The following FBXO31 variants were observed in gnomAD, a reference collection of about 807,000 sequenced individuals.
FBXO31 encodes F-box protein 31, also known as F-box only protein 31.
FBXO31 carries 24 observed loss-of-function variants against 54.4 expected under a neutral mutation model. The ratio of observed to expected loss-of-function variants is 0.44; its 90% CI spans 0.32 to 0.62. The LOEUF (loss-of-function observed/expected upper bound fraction) is 0.62, where lower values mean the gene tolerates loss of function less well. Among genes scored for constraint, FBXO31 ranks in the 20% least tolerant of loss-of-function variants. The pLI, the probability that FBXO31 is intolerant of heterozygous loss-of-function variation, is 0.05. For synonymous variants in FBXO31, 388 were observed against 335.6 expected, an observed-to-expected ratio of 1.16 and a Z score of -1.71; for missense variants, 665 against 787.1, an observed-to-expected ratio of 0.84 and a Z score of 1.86.
At chr16:87,372,564 CTTTT>C (rs1331810427) in intron 1 of FBXO31, among the ~76,000 whole-genome samples, 2 of 152,046 alleles carry the variant, frequency 1.3e-5, no homozygotes, top group East Asian at 1.9e-4. Flanking sequence ...TGAAGCATTT[CTTTT>C]TGTTTTTTTA....
chr16:87,341,262 A>T (rs1249049018), intron 5 of FBXO31, among the ~76,000 whole-genome samples: 4 of 152,238 alleles, frequency 2.6e-5, no homozygotes, highest in African/African-American at 9.6e-5. Flanking sequence ...CTAATCCCAA[A>T]GTATATAGTA....
In FBXO31 at chr16:87,346,795, G is replaced by A. The variant is rs1348387988; in HGVS notation, c.489+379C>T. ...CACAGCAGAACCCAAGGAAACAGAC[G>A]TCAGAGTGCACCATGGCTGGAACAT... On this transcript the variant is annotated intron_variant, in intron 3 of 8. Coordinates refer to ENST00000311635, the MANE Select transcript of FBXO31 (RefSeq NM_024735.5). The surrounding 1 kb of genome is among the most constrained non-coding windows in gnomAD (Gnocchi z 4.2). 2.6e-5 allele frequency among the ~76,000 whole-genome samples: 4 copies of A among 152,174 alleles called. No homozygotes were observed. Among genetic ancestry groups the A allele is most frequent in the Non-Finnish European group, 5.9e-5 (4 of 68,034 alleles).
At chr16:87,331,631 G>A (rs772503125) in intron 8 of FBXO31, 121 bp from the exon 9 acceptor site, 1 of 837,328 alleles carries the variant, frequency 1.2e-6, no homozygotes, top group Non-Finnish European at 1.8e-6. Flanking sequence ...TCATCAGCCA[G>A]AAGCTGACTC....
chr16:87,347,981 T>G (rs1905468415), intron 2 of FBXO31, among the ~76,000 whole-genome samples: 1 of 152,190 alleles, frequency 6.6e-6, no homozygotes, highest in South Asian at 2.1e-4. Context: ...TCCATCCCGT[T>G]CCTTGCCAGC....
Position 87,347,400 on chromosome 16 carries a change from G to A in FBXO31, c.413-150C>T, listed in dbSNP as rs1287076962. 3 of 708,514 alleles carry A rather than the reference G, an allele frequency of 4.2e-6. No individual in the cohort carries two copies. In the South Asian group the frequency reaches 4.6e-5, roughly 11 times the overall value. 43.9% of individuals were successfully genotyped at this position (708,514 alleles called of 1,614,324 possible). A position where few individuals can be genotyped will look rare whatever the true frequency, so the allele number is the denominator to read the frequency against. ...ACATGCACACCAAGCCTCTAAAGAT[G>A]TATCAGAATGAGGCCGGGTGCGGTG... is the stretch of plus-strand genomic sequence containing the variant. On this transcript the variant is annotated intron_variant, in intron 2 of 8. Transcript: ENST00000311635.
chr16:87,334,034 C>T lies in FBXO31; in HGVS notation c.1249G>A (p.Asp417Asn). The change falls in exon 8 of 9, where the codon GAT becomes AAT. Residue 417 changes from aspartate (D) to asparagine (N), a missense_variant. Asp to Asn is a conservative substitution (Grantham distance 23). Around this residue, in one of 4 missense-constraint regions of FBXO31, gnomAD observed 165 missense variants for 159.7 expected, o/e 1.03. Transcript: ENST00000311635. Reference sequence around the variant, plus strand: ...CCACCATCCTCACCAGGTGTCCCATCTGGGCCCTTGCTGGGCGCCTCTGCC... The same window carrying T: ...CCACCATCCTCACCAGGTGTCCCATTTGGGCCCTTGCTGGGCGCCTCTGCC... ...PRAEAPSKGPDGTPGEDGGEP... is the reference protein window; with the variant it reads ...PRAEAPSKGPNGTPGEDGGEP... The T allele has an allele frequency of 6.2e-7, 1 of 1,612,706 alleles. No individual in the cohort carries two copies. Among genetic ancestry groups the T allele is most frequent in the Non-Finnish European group, 8.5e-7 (1 of 1,179,742 alleles).
Position 87,383,772 on chromosome 16 carries a change from C to G in FBXO31, c.-28G>C. 1.7e-6 allele frequency: 2 copies of G among 1,184,044 alleles called. No homozygotes were observed. Among genetic ancestry groups the G allele is most frequent in the Non-Finnish European group, 2.1e-6 (2 of 958,294 alleles). The allele number at this position is 1,184,044 out of a possible 1,614,324, so 73.3% of individuals were successfully genotyped here. ...CGCCCAGTGACGGCCACTGCTGCCGCCTGTGCGCACGCTCCAGCGCGGCCC... is the reference window on the plus strand; with the variant it reads ...CGCCCAGTGACGGCCACTGCTGCCGGCTGTGCGCACGCTCCAGCGCGGCCC... On this transcript the variant is annotated 5_prime_UTR_variant, in exon 1 of 9. Transcript: ENST00000311635. The surrounding 1 kb of genome is among the most constrained non-coding windows in gnomAD (Gnocchi z 4.9).
rs1039209943 is a variant in FBXO31, at chr16:87,383,233, G to T, written c.340+172C>A. Among the ~76,000 whole-genome samples the T allele has an allele frequency of 6.6e-6, 1 of 151,202 alleles. No individual in the cohort carries two copies. The highest frequency in any genetic ancestry group is 1.5e-5 in the Non-Finnish European group (1 of 67,850). ...CAAATACCTCCCTGGCCCCCTCAAC[G>T]TGGTGTCACCGCGGCCGCTCCCCAC... is the stretch of plus-strand genomic sequence containing the variant. On this transcript the variant is annotated intron_variant, in intron 1 of 8. Coordinates refer to ENST00000311635, the MANE Select transcript of FBXO31 (RefSeq NM_024735.5). This position sits in a 1 kb window ranked among gnomAD's most constrained non-coding sequence, Gnocchi z 4.9.
At chr16:87,387,339 G>A (rs936392916), upstream of FBXO31, among the ~76,000 whole-genome samples, 2 of 152,120 alleles carry the variant, frequency 1.3e-5, no homozygotes, top group East Asian at 1.9e-4. Flanking sequence ...ATTCTAAAAC[G>A]AGGAAGAACT....
intron 2 of FBXO31, among the ~76,000 whole-genome samples, chr16:87,348,157 C>G (rs994979451): frequency 1.3e-5 from 2 of 152,188 alleles, no homozygotes; most frequent in African/African-American, 4.8e-5. Context: ...CACTGCCTCT[C>G]TCCACGACTC....
upstream of FBXO31, among the ~76,000 whole-genome samples, chr16:87,386,797 T>C (rs546677037): frequency 7.2e-5 from 11 of 152,226 alleles, no homozygotes; most frequent in Non-Finnish European, 1.6e-4. Flanking sequence ...GCAGGGTCAT[T>C]ACTGCAATGG....
intron 8 of FBXO31, among the ~76,000 whole-genome samples, chr16:87,333,425 C>T (rs1396155895): frequency 1.3e-5 from 2 of 152,162 alleles, no homozygotes; most frequent in African/African-American, 4.8e-5. Context: ...CCAAAGGTGA[C>T]CGGCAAGACG....
In FBXO31 at chr16:87,330,281, C is replaced by T. The variant is rs1286228329; in HGVS notation, c.*1007G>A. 6.6e-6 allele frequency: 1 copy of T among 152,308 alleles called. No homozygotes were observed. Among genetic ancestry groups the T allele is most frequent in the Non-Finnish European group, 1.5e-5 (1 of 68,110 alleles). The allele number at this position is 152,308 out of a possible 1,614,324, so 9.4% of individuals were successfully genotyped here. A position where few individuals can be genotyped will look rare whatever the true frequency, so the allele number is the denominator to read the frequency against. ...GAGGGTCCCACTTTCCAAAGTGTGT[C>T]CCCAGATGCAGGTGTGGCTTTTCTA... On this transcript the variant is annotated 3_prime_UTR_variant, in exon 9 of 9. Transcript: ENST00000311635.
At chr16:87,349,619 G>T (rs955994346) in intron 2 of FBXO31, among the ~76,000 whole-genome samples, 5 of 152,048 alleles carry the variant, frequency 3.3e-5, no homozygotes, top group African/African-American at 1.2e-4. Context: ...GCTGAGGCAG[G>T]AGAATCACTT....
rs889012987 is a variant in FBXO31 at position 87,360,156 on chromosome 16, C to G, written c.412+139G>C. The G allele has an allele frequency of 8.1e-6, 6 of 736,388 alleles. No homozygotes were observed. In the South Asian group the frequency reaches 8.3e-5, roughly 10 times the overall value. 45.6% of individuals were successfully genotyped at this position (736,388 alleles called of 1,614,324 possible). ...TTTTAGTGCTGTTACTACCAGTGCT[C>G]TATTCAAAATGTGACTGTAAGATGG... On this transcript the variant is annotated intron_variant, in intron 2 of 8. Transcript: ENST00000311635.
chr16:87,371,767 C>T (rs746420725), intron 1 of FBXO31, among the ~76,000 whole-genome samples: 4 of 152,358 alleles, frequency 2.6e-5, no homozygotes, highest in South Asian at 4.1e-4. Flanking sequence ...TCAGTGAGCG[C>T]GCAGCGCCAG....
rs1904798877 is a variant in FBXO31 at position 87,330,172 on chromosome 16, T to A, written c.*1116A>T. On this transcript the variant is annotated 3_prime_UTR_variant, in exon 9 of 9. Coordinates refer to ENST00000311635, the MANE Select transcript of FBXO31 (RefSeq NM_024735.5). ...GGAGATGCCAACCTCAGCCAAGACC[T>A]CAGATGGGGTCCCCACACGCAGGTG... 1 of 152,406 alleles carries A rather than the reference T, an allele frequency of 6.6e-6. No homozygotes were observed. The allele number at this position is 152,406 out of a possible 1,614,324, so 9.4% of individuals were successfully genotyped here. A position where few individuals can be genotyped will look rare whatever the true frequency, so the allele number is the denominator to read the frequency against.
At chr16:87,368,275 G>C (rs1238801671) in intron 1 of FBXO31, among the ~76,000 whole-genome samples, 1 of 152,188 alleles carries the variant, frequency 6.6e-6, no homozygotes, top group Non-Finnish European at 1.5e-5. Context: ...TGACCCAACT[G>C]CTCCTTTAAG....
At chr16:87,332,252 A>G (rs1904884623) in intron 8 of FBXO31, among the ~76,000 whole-genome samples, 1 of 152,226 alleles carries the variant, frequency 6.6e-6, no homozygotes. Context: ...TCAGAAAAAA[A>G]GCAACAGGCA....
Sources: allele counts gnomAD v4.1 joint callset (sites outside exome capture counted in the v4.1 genomes callset), GRCh38; gene constraint gnomAD v4.1.1; regional missense constraint gnomAD v4.1.1; non-coding constraint Gnocchi (gnomAD v3.1); transcripts MANE v1.5; gene names NCBI Gene and HGNC (gene_info 2026-07-23, HGNC 2026-07-21).